FGD6: variants seen among roughly 807,000 people sequenced by gnomAD.
FGD6 encodes the protein FYVE, RhoGEF and PH domain-containing protein 6.
FGD6 carries 90 observed loss-of-function variants against 149.4 expected under a neutral mutation model. The observed-to-expected ratio is 0.60, with a 90% CI of 0.51 to 0.72. The LOEUF (loss-of-function observed/expected upper bound fraction) is 0.72, where lower values mean the gene tolerates loss of function less well. Ranked by LOEUF, FGD6 falls within the 30% of genes least tolerant of loss-of-function variation. The probability of loss-of-function intolerance (pLI) is 0.00; values close to 1 mark genes in which losing one functional copy is unlikely to be tolerated. For missense variants in FGD6, 1,437 were observed against 1,684.8 expected (o/e 0.85, Z 2.57); for synonymous variants, 527 against 584.0 (o/e 0.90, Z 1.41).
At chr12:95,138,555 G>GA (rs568018603) in intron 6 of FGD6, among the ~76,000 whole-genome samples, 1,883 of 117,008 alleles carry the variant, frequency 0.016, 4 homozygotes, top group Middle Eastern at 0.029. Flanking sequence ...AAAAGAAAAA[G>GA]AAAAAAAAAA....
rs928182255 is a variant in FGD6 at position 95,079,272 on chromosome 12, G to T, written c.*2248C>A. ...TACACATTTTTCTAAACCCTCCATG[G>T]GGCTAAGCCAATAGGTAATACAGTC... On this transcript the variant is annotated 3_prime_UTR_variant, in exon 21 of 21. Coordinates refer to ENST00000343958, the MANE Select transcript of FGD6 (RefSeq NM_018351.4). 1.3e-5 allele frequency: 2 copies of T among 152,114 alleles called. No individual in the cohort carries two copies. The highest frequency in any genetic ancestry group is 4.8e-5 in the African/African-American group (2 of 41,418). 9.4% of individuals were successfully genotyped at this position (152,114 alleles called of 1,614,324 possible). A position where few individuals can be genotyped will look rare whatever the true frequency, so the allele number is the denominator to read the frequency against.
chr12:95,087,661 G>C (rs183285025), intron 18 of FGD6, among the ~76,000 whole-genome samples: 2 of 152,296 alleles, frequency 1.3e-5, no homozygotes, highest in East Asian at 3.9e-4. Flanking sequence ...AATGTATGTT[G>C]TTTTAAGCTG....
intron 3 of FGD6, among the ~76,000 whole-genome samples, chr12:95,169,400 A>C (rs1880923027): frequency 6.6e-6 from 1 of 152,198 alleles, no homozygotes; most frequent in Non-Finnish European, 1.5e-5. Context: ...TAAAAAAAAA[A>C]AGGATAAAAA....
At chr12:95,148,782 AT>A (rs1160225635) in intron 5 of FGD6, among the ~76,000 whole-genome samples, 1 of 103,194 alleles carries the variant, frequency 9.7e-6, no homozygotes, top group African/African-American at 3.8e-5. Flanking sequence ...TATATTATAT[AT>A]TATATAATAC....
intron 5 of FGD6, among the ~76,000 whole-genome samples, chr12:95,150,099 C>T (rs1458622451): frequency 6.6e-6 from 1 of 150,842 alleles, no homozygotes; most frequent in East Asian, 1.9e-4. Flanking sequence ...ACAATCTCGA[C>T]TCACCGCAAC....
In FGD6 at chr12:95,084,489, A is replaced by C; in HGVS notation, c.4256+9T>G. Reference sequence around the variant, plus strand: ...ATGAATAAAAGAAAAATATGGCCAGATTACTTACTTCTGAGCCGAATGAGC... The same window carrying C: ...ATGAATAAAAGAAAAATATGGCCAGCTTACTTACTTCTGAGCCGAATGAGC... On this transcript the variant is annotated intron_variant, in intron 20 of 20. Coordinates refer to ENST00000343958, the MANE Select transcript of FGD6 (RefSeq NM_018351.4). The C allele has an allele frequency of 2.0e-6, 3 of 1,528,234 alleles. No homozygotes were observed. Among genetic ancestry groups the C allele is most frequent in the Middle Eastern group, 1.7e-4 (1 of 5,720 alleles). 94.7% of individuals were successfully genotyped at this position (1,528,234 alleles called of 1,614,324 possible).
At chr12:95,186,751 C>T (rs1338446617) in intron 2 of FGD6, among the ~76,000 whole-genome samples, 2 of 152,136 alleles carry the variant, frequency 1.3e-5, no homozygotes, top group African/African-American at 4.8e-5. Flanking sequence ...CTTGGTACAG[C>T]AGATTACCCA....
intron 6 of FGD6, among the ~76,000 whole-genome samples, chr12:95,140,297 C>T (rs1379159522): frequency 1.3e-5 from 2 of 152,184 alleles, no homozygotes; most frequent in Admixed American, 6.6e-5. Flanking sequence ...GCTTCCAATA[C>T]CAACCTTTTG....
chr12:95,153,402 C>A (rs1880366874), intron 3 of FGD6, among the ~76,000 whole-genome samples: 1 of 152,204 alleles, frequency 6.6e-6, no homozygotes, highest in Non-Finnish European at 1.5e-5. Flanking sequence ...TGGCTCACGC[C>A]TGTAATCCCA....
chr12:95,109,579 G>A (rs922302820), intron 9 of FGD6, among the ~76,000 whole-genome samples: 5 of 149,736 alleles, frequency 3.3e-5, no homozygotes, highest in Non-Finnish European at 7.4e-5. Context: ...AAAAAAAAGA[G>A]TGGCTGGGCG....
At chr12:95,102,662 G>T (rs373025128) in intron 14 of FGD6, among the ~76,000 whole-genome samples, 1 of 152,122 alleles carries the variant, frequency 6.6e-6, no homozygotes, top group Admixed American at 6.6e-5. Context: ...CATCCTGTAT[G>T]TCAGGCAGCA....
chr12:95,174,954 A>G, intron 2 of FGD6, among the ~76,000 whole-genome samples: 1 of 145,446 alleles, frequency 6.9e-6, no homozygotes, highest in African/African-American at 2.5e-5. Flanking sequence ...AAAAGAAATT[A>G]GGTTTATTTT....
rs370779426 is a variant in FGD6, at chr12:95,158,793, G to A, written c.2587-5800C>T. Among the ~76,000 whole-genome samples, 24 of 152,020 alleles carry A rather than the reference G, an allele frequency of 1.6e-4. No homozygotes were observed. The East Asian group carries it at 4.4e-3, about 28-fold the overall frequency. ...TCCCAGCACTTTGAGAGGCCAAGGTGGGAGGATTGCTTGAGCCCAGGAGTT... is the reference window on the plus strand; with the variant it reads ...TCCCAGCACTTTGAGAGGCCAAGGTAGGAGGATTGCTTGAGCCCAGGAGTT... On this transcript the variant is annotated intron_variant, in intron 3 of 20. Transcript: ENST00000343958.
At chr12:95,173,017 C>A (rs1037052511) in intron 2 of FGD6, among the ~76,000 whole-genome samples, 1 of 152,144 alleles carries the variant, frequency 6.6e-6, no homozygotes, top group South Asian at 2.1e-4. Flanking sequence ...ATATATCCCT[C>A]CCAAAGAAGA....
chr12:95,208,450 C>T (rs2136302962), intron 2 of FGD6, among the ~76,000 whole-genome samples: 1 of 152,202 alleles, frequency 6.6e-6, no homozygotes, highest in East Asian at 1.9e-4. Flanking sequence ...TAAATGCCTA[C>T]ATATTTCAGT....
intron 9 of FGD6, among the ~76,000 whole-genome samples, chr12:95,113,263 C>T (rs1281058645): frequency 4.9e-5 from 7 of 141,458 alleles, no homozygotes; most frequent in South Asian, 2.3e-4. Context: ...GAAGGAGTCT[C>T]GCTCTGTCGC....
intron 6 of FGD6, among the ~76,000 whole-genome samples, chr12:95,139,306 G>A (rs899718248): frequency 1.3e-5 from 2 of 151,930 alleles, no homozygotes; most frequent in East Asian, 1.9e-4. Context: ...CAGGCGTGGT[G>A]GGGCACACCT....
At chr12:95,212,245 C>T (rs976891013) in intron 1 of FGD6, among the ~76,000 whole-genome samples, 1 of 152,118 alleles carries the variant, frequency 6.6e-6, no homozygotes, top group East Asian at 1.9e-4. Flanking sequence ...GGGGATAGAT[C>T]CTGGACATCT....
chr12:95,102,045 A>G (rs1878456076), intron 14 of FGD6, among the ~76,000 whole-genome samples: 1 of 133,848 alleles, frequency 7.5e-6, no homozygotes, highest in Non-Finnish European at 1.6e-5. Flanking sequence ...GCTGAACACA[A>G]TCCTGCCTGT....
Sources: allele counts gnomAD v4.1 joint callset (sites outside exome capture counted in the v4.1 genomes callset), GRCh38; gene constraint gnomAD v4.1.1; transcripts MANE v1.5; gene names NCBI Gene and HGNC (gene_info 2026-07-23, HGNC 2026-07-21).